Variants in CREB5 observed in about 807,000 individuals in gnomAD.
The protein encoded by CREB5 is cAMP responsive element binding protein 5, also known as cyclic AMP-responsive element-binding protein 5.
A neutral mutation model predicts 57.1 loss-of-function variants in CREB5; 19 were observed. That is an observed-to-expected ratio of 0.33 (90% CI 0.23 to 0.49). The LOEUF is 0.49. Ranked by LOEUF, CREB5 falls within the 20% of genes least tolerant of loss-of-function variation. The probability of loss-of-function intolerance (pLI) is 0.99; values close to 1 mark genes in which losing one functional copy is unlikely to be tolerated. For synonymous variants in CREB5, 238 were observed against 238.3 expected (o/e 1.00, Z 0.01); for missense variants, 579 against 671.6 (o/e 0.86, Z 1.52).
intron 1 of CREB5, among the ~76,000 whole-genome samples, chr7:28,354,309 C>A (rs1425738696): frequency 6.6e-6 from 1 of 152,100 alleles, no homozygotes; most frequent in Non-Finnish European, 1.5e-5. Flanking sequence ...TGGGTGGGCA[C>A]CATCTAATCA....
intron 1 of CREB5, among the ~76,000 whole-genome samples, chr7:28,311,596 C>A (rs1785278388): frequency 6.6e-6 from 1 of 152,200 alleles, no homozygotes. Context: ...TGTTCTTAGT[C>A]TCTTTCTTTA....
chr7:28,572,196 T>C (rs550331513), intron 5 of CREB5, among the ~76,000 whole-genome samples: 31 of 152,310 alleles, frequency 2.0e-4, no homozygotes, highest in South Asian at 4.2e-4. Context: ...GGGTAATGGG[T>C]AATGACCATT....
intron 5 of CREB5, among the ~76,000 whole-genome samples, chr7:28,655,184 TGA>T (rs1370827024): frequency 6.6e-6 from 1 of 152,208 alleles, no homozygotes; most frequent in Non-Finnish European, 1.5e-5. Flanking sequence ...GTTACAGGCA[TGA>T]GCCACTGTGT....
chr7:28,562,301 C>T (rs892358334), intron 4 of CREB5, among the ~76,000 whole-genome samples: 1 of 152,168 alleles, frequency 6.6e-6, no homozygotes, highest in African/African-American at 2.4e-5. Flanking sequence ...TTGAGAGACA[C>T]TTGGAAACTG....
intron 2 of CREB5, among the ~76,000 whole-genome samples, chr7:28,490,814 T>C (rs1791766731): frequency 6.6e-6 from 1 of 152,280 alleles, no homozygotes; most frequent in South Asian, 2.1e-4. Context: ...AGCCTTCCTT[T>C]CTTTTCGATC....
intron 4 of CREB5, among the ~76,000 whole-genome samples, chr7:28,566,666 G>GA (rs59194381): frequency 0.27 from 40,261 of 151,580 alleles, 5,532 homozygotes; most frequent in East Asian, 0.48. Flanking sequence ...AAAGCTTAAA[G>GA]AAAAAAAAAT....
intron 1 of CREB5, among the ~76,000 whole-genome samples, chr7:28,354,524 G>A (rs1055532795): frequency 5.3e-5 from 8 of 152,248 alleles, no homozygotes; most frequent in Middle Eastern, 3.4e-3. Context: ...GTGATCATGT[G>A]AGTTAATGCT....
chr7:28,739,409 A>G (rs1412886106), intron 7 of CREB5, among the ~76,000 whole-genome samples: 1 of 152,188 alleles, frequency 6.6e-6, no homozygotes, highest in African/African-American at 2.4e-5. Flanking sequence ...TGGAGGGAGA[A>G]TACAAAGAGT....
chr7:28,593,792 G>A (rs1796605620), intron 5 of CREB5, among the ~76,000 whole-genome samples: 1 of 152,184 alleles, frequency 6.6e-6, no homozygotes, highest in African/African-American at 2.4e-5. Flanking sequence ...CCCAGAATGT[G>A]CTGACTTAGC....
At chr7:28,756,229 G>T (rs1255910657) in intron 7 of CREB5, among the ~76,000 whole-genome samples, 1 of 152,034 alleles carries the variant, frequency 6.6e-6, no homozygotes, top group Non-Finnish European at 1.5e-5. Context: ...CAAATGAAGG[G>T]CTTGCCATCT....
intron 1 of CREB5, among the ~76,000 whole-genome samples, chr7:28,477,871 T>C (rs1174487992): frequency 2.6e-5 from 4 of 152,148 alleles, no homozygotes; most frequent in African/African-American, 9.7e-5. Context: ...TCCCAGCACT[T>C]TGGGAAGATG....
At chr7:28,566,836 A>G (rs944603606) in intron 4 of CREB5, among the ~76,000 whole-genome samples, 2 of 152,228 alleles carry the variant, frequency 1.3e-5, no homozygotes, top group African/African-American at 2.4e-5. Flanking sequence ...TATGTCTTTC[A>G]GGAGCTTTTT....
In CREB5 at chr7:28,732,375, C is replaced by T. The variant is rs114551882; in HGVS notation, c.702+8043C>T. Among the ~76,000 whole-genome samples, 794 of 152,132 alleles carry T rather than the reference C, an allele frequency of 5.2e-3. 6 individuals are homozygous for T. Among genetic ancestry groups the T allele is most frequent in the African/African-American group, 0.018 (736 of 41,476 alleles). On this transcript the variant is annotated intron_variant, in intron 7 of 10. Coordinates refer to ENST00000357727, the MANE Select transcript of CREB5 (RefSeq NM_182898.4). ...TTTATGTTTGTTTAATGTTCCTGAG[C>T]CTGAATTCAGATGCATCTGGGCAAA...
At position 28,570,389 on chromosome 7, in the gene CREB5, G is replaced by T; in HGVS notation, c.316G>T (p.Gly106Cys). The T allele has an allele frequency of 5.0e-6, 8 of 1,613,892 alleles. No homozygotes were observed. Among genetic ancestry groups the T allele is most frequent in the Non-Finnish European group, 6.8e-6 (8 of 1,179,856 alleles). Residue 106 changes from glycine to cysteine, a missense_variant, in exon 5 of 11, where the codon GGT (glycine) becomes TGT (cysteine). Coordinates refer to ENST00000357727, the MANE Select transcript of CREB5 (RefSeq NM_182898.4). ...KRNISMHNAV[G>C]GAMTGPGTHQ... ...GAATATCTCGATGCATAATGCAGTTGGTGGGGCCATGACGGGGCCCGGAAC... is the reference window on the plus strand; with the variant it reads ...GAATATCTCGATGCATAATGCAGTTTGTGGGGCCATGACGGGGCCCGGAAC...
intron 1 of CREB5, among the ~76,000 whole-genome samples, chr7:28,354,176 T>A (rs966851669): frequency 1.3e-5 from 2 of 152,198 alleles, no homozygotes; most frequent in African/African-American, 4.8e-5. Context: ...TGGTTAATAC[T>A]GAGTGTCCAC....
chr7:28,470,233 C>G (rs1790750221), intron 1 of CREB5, among the ~76,000 whole-genome samples: 1 of 152,184 alleles, frequency 6.6e-6, no homozygotes, highest in Non-Finnish European at 1.5e-5. Context: ...CACTACCTTT[C>G]CCAGCCTCTG....
At chr7:28,673,714 C>T (rs1410894092) in intron 5 of CREB5, among the ~76,000 whole-genome samples, 1 of 140,176 alleles carries the variant, frequency 7.1e-6, no homozygotes, top group Non-Finnish European at 1.5e-5. Context: ...GCTCTGCCAC[C>T]CAGGCGGGAG....
intron 1 of CREB5, among the ~76,000 whole-genome samples, chr7:28,437,312 TA>T (rs1028025304): frequency 6.6e-6 from 1 of 152,196 alleles, no homozygotes; most frequent in Non-Finnish European, 1.5e-5. Context: ...CTGAGGATTT[TA>T]CTCAAGATCA....
chr7:28,809,074 A>T (rs1309757721), intron 8 of CREB5, 113 bp from the exon 9 acceptor site: 5 of 943,008 alleles, frequency 5.3e-6, no homozygotes, highest in Non-Finnish European at 8.0e-6. Context: ...TCATATGCTG[A>T]CTGAAACGAT....
Sources: gnomAD v4.1 joint callset for allele counts (sites outside exome capture counted in the v4.1 genomes callset) on GRCh38, gnomAD v4.1.1 for gene constraint, MANE v1.5 for transcripts, NCBI Gene and HGNC (gene_info 2026-07-23, HGNC 2026-07-21) for gene names.